The following GABRA2 variants were observed in gnomAD, a reference collection of about 807,000 sequenced individuals.
GABRA2 encodes the protein gamma-aminobutyric acid receptor subunit alpha-2.
GABRA2 carries 16 observed loss-of-function variants against 48.7 expected under a neutral mutation model. The ratio of observed to expected loss-of-function variants is 0.33; its 90% CI spans 0.22 to 0.50. GABRA2 has a LOEUF of 0.50. GABRA2 is among the 20% of genes least tolerant of loss of function. GABRA2 has a pLI of 0.98. For missense variants in GABRA2, 275 were observed against 535.6 expected, an observed-to-expected ratio of 0.51 and a Z score of 4.80; for synonymous variants, 185 against 184.5, an observed-to-expected ratio of 1.00 and a Z score of -0.02.
intron 3 of GABRA2, among the ~76,000 whole-genome samples, chr4:46,346,127 T>C (rs563605551): frequency 1.3e-5 from 2 of 151,970 alleles, no homozygotes; most frequent in East Asian, 3.9e-4. Context: ...AACACCTACA[T>C]GTGCCATTTG....
At chr4:46,267,292 CT>C (rs113982738) in intron 8 of GABRA2, among the ~76,000 whole-genome samples, 3,545 of 152,056 alleles carry the variant, frequency 0.023, 141 homozygotes, top group African/African-American at 0.081. Flanking sequence ...TACAGAATTT[CT>C]AATTGTTTCA....
At chr4:46,350,938 G>A (rs193160611) in intron 3 of GABRA2, among the ~76,000 whole-genome samples, 83 of 151,910 alleles carry the variant, frequency 5.5e-4, no homozygotes, top group African/African-American at 2.0e-3. Flanking sequence ...AGGGGGAGGG[G>A]AGGCACATGA....
At chr4:46,268,806 G>A (rs894227046) in intron 8 of GABRA2, among the ~76,000 whole-genome samples, 10 of 151,816 alleles carry the variant, frequency 6.6e-5, no homozygotes, top group South Asian at 2.1e-4. Flanking sequence ...ACCAAAGGAT[G>A]AATTAAGAAA....
At chr4:46,335,147 A>G (rs1296356109) in intron 3 of GABRA2, among the ~76,000 whole-genome samples, 3 of 152,166 alleles carry the variant, frequency 2.0e-5, no homozygotes, top group Non-Finnish European at 4.4e-5. Flanking sequence ...GGAAGTGAAC[A>G]AAGAAAAAGG....
At chr4:46,267,086 G>A (rs1718397741) in intron 8 of GABRA2, among the ~76,000 whole-genome samples, 1 of 151,886 alleles carries the variant, frequency 6.6e-6, no homozygotes, top group African/African-American at 2.4e-5. Context: ...ATATTCATGT[G>A]TTGATATGCT....
At chr4:46,290,046 G>T (rs920461753) in intron 8 of GABRA2, among the ~76,000 whole-genome samples, 1 of 150,548 alleles carries the variant, frequency 6.6e-6, no homozygotes. Flanking sequence ...AGAGTAGCTG[G>T]GATTACAGGC....
chr4:46,372,081 C>T (rs1179424553), intron 3 of GABRA2, among the ~76,000 whole-genome samples: 4 of 152,158 alleles, frequency 2.6e-5, no homozygotes, highest in Non-Finnish European at 4.4e-5. Context: ...CCAGGTTATT[C>T]ATATGCACAC....
rs1713671532 is a variant in GABRA2, at chr4:46,246,113, A to G, written c.*4195T>C. Among the ~76,000 whole-genome samples, 1 of 151,078 alleles carries G rather than the reference A, an allele frequency of 6.6e-6. No individual in the cohort carries two copies. Among genetic ancestry groups the G allele is most frequent in the South Asian group, 2.1e-4 (1 of 4,824 alleles). On this transcript the variant is annotated 3_prime_UTR_variant, in exon 10 of 10. Transcript: ENST00000381620. ...TAGTTATGATGCTTACTATGATAGA[A>G]TAACGACTCTTAAAATATTTGTGTG...
At chr4:46,331,007 A>C (rs539720358) in intron 4 of GABRA2, among the ~76,000 whole-genome samples, 1 of 152,236 alleles carries the variant, frequency 6.6e-6, no homozygotes, top group South Asian at 2.1e-4. Flanking sequence ...TCTTGCTAAA[A>C]CACATTGTCT....
At chr4:46,275,823 T>C (rs1302787168) in intron 8 of GABRA2, among the ~76,000 whole-genome samples, 1 of 152,128 alleles carries the variant, frequency 6.6e-6, no homozygotes, top group Non-Finnish European at 1.5e-5. Flanking sequence ...TTAGAGAATT[T>C]TTATCACAAA....
Position 46,255,066 on chromosome 4 carries a change from G to A in GABRA2, c.1060-4462C>T, listed in dbSNP as rs566984472. ...TTTCATGCTTTTCTGGAGGACCCTG[G>A]AGCTTGCCTCTATAATGAAACATGT... On this transcript the variant is annotated intron_variant, in intron 9 of 9. Transcript: ENST00000381620. 2.6e-5 allele frequency among the ~76,000 whole-genome samples: 4 copies of A among 151,572 alleles called. No individual in the cohort carries two copies. In the South Asian group the frequency reaches 8.3e-4, roughly 31 times the overall value.
intron 8 of GABRA2, among the ~76,000 whole-genome samples, chr4:46,283,124 C>G (rs1454734892): frequency 1.3e-5 from 2 of 152,082 alleles, no homozygotes; most frequent in Non-Finnish European, 2.9e-5. Context: ...ATAGTCAACC[C>G]GTGAGAGTAG....
intron 4 of GABRA2, among the ~76,000 whole-genome samples, chr4:46,326,368 G>A (rs1037487457): frequency 1.2e-4 from 18 of 151,822 alleles, no homozygotes; most frequent in African/African-American, 4.4e-4. Context: ...GGTTCATACA[G>A]TTACCCAGTT....
At chr4:46,350,643 C>T (rs1050287063) in intron 3 of GABRA2, among the ~76,000 whole-genome samples, 1 of 151,540 alleles carries the variant, frequency 6.6e-6, no homozygotes, top group Non-Finnish European at 1.5e-5. Flanking sequence ...TCTGAAACTT[C>T]CAAAGAGAGC....
intron 7 of GABRA2, 119 bp from the exon 8 acceptor site, chr4:46,303,731 A>G: frequency 1.3e-6 from 1 of 774,654 alleles, no homozygotes; most frequent in South Asian, 1.9e-5. Flanking sequence ...TATCACATAC[A>G]TGTCAGGAAA....
rs530295905 is a variant in GABRA2 at position 46,370,476 on chromosome 4, G to C, written c.187+15598C>G. On this transcript the variant is annotated intron_variant, in intron 3 of 9. Coordinates refer to ENST00000381620, the MANE Select transcript of GABRA2 (RefSeq NM_000807.4). ...GGAGGTAGATCTATGAAGTCCAACA[G>C]GATGAGAAGTAAAAGAGCTTTGAAG... Among the ~76,000 whole-genome samples, 4 of 152,204 alleles carry C rather than the reference G, an allele frequency of 2.6e-5. No individual in the cohort carries two copies. In the South Asian group the frequency reaches 8.3e-4, roughly 32 times the overall value.
intron 3 of GABRA2, among the ~76,000 whole-genome samples, chr4:46,353,339 T>C (rs1735453947): frequency 6.6e-6 from 1 of 152,052 alleles, no homozygotes; most frequent in Non-Finnish European, 1.5e-5. Flanking sequence ...AGCAGTGCCC[T>C]CTTGACCAGT....
chr4:46,254,884 C>G (rs1419709061), intron 9 of GABRA2, among the ~76,000 whole-genome samples: 1 of 151,408 alleles, frequency 6.6e-6, no homozygotes, highest in Non-Finnish European at 1.5e-5. Context: ...TCACTTGTAC[C>G]CCCTAATCTG....
chr4:46,390,175 G>A, upstream of GABRA2: 1 of 195,816 alleles, frequency 5.1e-6, no homozygotes, highest in African/African-American at 2.5e-5. Flanking sequence ...GAGGTTCCCG[G>A]GAAGGCAGGG....
Sources: allele counts gnomAD v4.1 joint callset (sites outside exome capture counted in the v4.1 genomes callset), GRCh38; gene constraint gnomAD v4.1.1; transcripts MANE v1.5; gene names NCBI Gene and HGNC (gene_info 2026-07-23, HGNC 2026-07-21).